The following MAPKAP1 variants were observed in gnomAD, a reference collection of about 807,000 sequenced individuals.
The protein encoded by MAPKAP1 is target of rapamycin complex 2 subunit MAPKAP1.
In MAPKAP1, 20 loss-of-function variants were observed where a neutral mutation model predicts 65.7. The observed-to-expected ratio is 0.30, with a 90% CI of 0.21 to 0.44. MAPKAP1 has a LOEUF of 0.44. Ranked by LOEUF, MAPKAP1 falls within the 20% of genes least tolerant of loss-of-function variation. The pLI is 1.00. For synonymous variants in MAPKAP1, 222 were observed against 244.3 expected (o/e 0.91, Z 0.85); for missense variants, 423 against 648.0 (o/e 0.65, Z 3.77).
chr9:125,496,020 G>A (rs1854929478), intron 8 of MAPKAP1, among the ~76,000 whole-genome samples: 2 of 152,156 alleles, frequency 1.3e-5, no homozygotes, highest in Non-Finnish European at 2.9e-5. Flanking sequence ...GGCTTTTACT[G>A]TACACAATCT....
At chr9:125,637,848 C>T (rs1833469376) in intron 4 of MAPKAP1, among the ~76,000 whole-genome samples, 1 of 152,218 alleles carries the variant, frequency 6.6e-6, no homozygotes, top group Non-Finnish European at 1.5e-5. Flanking sequence ...TCTCAGTTCA[C>T]TGCAGCCTAT....
At chr9:125,607,039 CA>C (rs1469605847) in intron 4 of MAPKAP1, among the ~76,000 whole-genome samples, 7 of 151,956 alleles carry the variant, frequency 4.6e-5, no homozygotes, top group African/African-American at 1.7e-4. Context: ...TTCCCCATGC[CA>C]AAACTGGAAT....
intron 6 of MAPKAP1, among the ~76,000 whole-genome samples, chr9:125,548,007 T>A (rs1437905437): frequency 6.6e-6 from 1 of 152,254 alleles, no homozygotes; most frequent in African/African-American, 2.4e-5. Context: ...TTAACAATTA[T>A]AACAGCAACT....
At chr9:125,617,524 T>C (rs1832781243) in intron 4 of MAPKAP1, among the ~76,000 whole-genome samples, 1 of 152,206 alleles carries the variant, frequency 6.6e-6, no homozygotes, top group Non-Finnish European at 1.5e-5. Context: ...ACATTTAAAA[T>C]ACTTATAAAC....
intron 4 of MAPKAP1, among the ~76,000 whole-genome samples, chr9:125,629,637 T>C (rs983330873): frequency 2.6e-5 from 4 of 152,206 alleles, no homozygotes; most frequent in Non-Finnish European, 2.9e-5. Flanking sequence ...AGTTGTTCAA[T>C]GGACATAAAG....
At chr9:125,658,013 G>GTTA (rs1348250150) in intron 3 of MAPKAP1, among the ~76,000 whole-genome samples, 22 of 152,158 alleles carry the variant, frequency 1.4e-4, no homozygotes, top group Non-Finnish European at 4.4e-5. Context: ...AAAGAGAAGG[G>GTTA]GTTAAGGGAG....
intron 7 of MAPKAP1, among the ~76,000 whole-genome samples, chr9:125,535,830 T>C (rs1830059265): frequency 6.6e-6 from 1 of 152,124 alleles, no homozygotes. Context: ...AGGAGAAGGC[T>C]GTCTGACTTC....
At chr9:125,552,523 A>T (rs1830613196) in intron 6 of MAPKAP1, among the ~76,000 whole-genome samples, 1 of 152,198 alleles carries the variant, frequency 6.6e-6, no homozygotes, top group South Asian at 2.1e-4. Flanking sequence ...GCAGAAACAG[A>T]TCTATTTCCC....
At position 125,535,208 on chromosome 9, in the gene MAPKAP1, T is replaced by C. The variant is rs887401906; in HGVS notation, c.958+7851A>G. 3.9e-5 allele frequency among the ~76,000 whole-genome samples: 6 copies of C among 152,324 alleles called. 1 individual carries two copies. The highest frequency in any genetic ancestry group is 1.5e-5 in the Non-Finnish European group (1 of 68,030). Reference sequence around the variant, plus strand: ...ACTACATCTCAAAACATGTTGTCTCTTCTACTTAGAATGTTCTTCTCATTT... The same window carrying C: ...ACTACATCTCAAAACATGTTGTCTCCTCTACTTAGAATGTTCTTCTCATTT... On this transcript the variant is annotated intron_variant, in intron 7 of 11. Coordinates refer to ENST00000265960, the MANE Select transcript of MAPKAP1 (RefSeq NM_001006617.3).
chr9:125,541,116 G>A (rs1035714234), intron 7 of MAPKAP1, among the ~76,000 whole-genome samples: 3 of 152,294 alleles, frequency 2.0e-5, no homozygotes, highest in South Asian at 2.1e-4. Context: ...AATAAATAAC[G>A]CAGATCACTG....
At chr9:125,564,344 T>A (rs548369442) in intron 5 of MAPKAP1, among the ~76,000 whole-genome samples, 1 of 152,224 alleles carries the variant, frequency 6.6e-6, no homozygotes, top group Non-Finnish European at 1.5e-5. Flanking sequence ...ATGGGTTAAG[T>A]TTACACATAC....
intron 7 of MAPKAP1, among the ~76,000 whole-genome samples, chr9:125,509,156 A>G (rs1044907303): frequency 1.3e-5 from 2 of 152,204 alleles, no homozygotes; most frequent in Non-Finnish European, 1.5e-5. Context: ...TATAGAAATG[A>G]TAAATACCCC....
intron 10 of MAPKAP1, among the ~76,000 whole-genome samples, chr9:125,454,021 T>C (rs1181049895): frequency 6.6e-6 from 1 of 152,242 alleles, no homozygotes; most frequent in Admixed American, 6.5e-5. Flanking sequence ...CCATAGTTTG[T>C]CAGTTGTTCT....
At chr9:125,537,052 T>C (rs967061861) in intron 7 of MAPKAP1, among the ~76,000 whole-genome samples, 3 of 152,184 alleles carry the variant, frequency 2.0e-5, no homozygotes, top group Non-Finnish European at 4.4e-5. Flanking sequence ...AACATTTCTG[T>C]TTACAGAATT....
chr9:125,652,241 CAT>C, intron 4 of MAPKAP1: 1 of 1,289,928 alleles, frequency 7.8e-7, no homozygotes, highest in Non-Finnish European at 1.0e-6. Context: ...AATTATCCGA[CAT>C]AGACTGGAAC....
At chr9:125,613,547 C>A (rs952975146) in intron 4 of MAPKAP1, among the ~76,000 whole-genome samples, 1 of 152,158 alleles carries the variant, frequency 6.6e-6, no homozygotes, top group Non-Finnish European at 1.5e-5. Flanking sequence ...GGCCTTGTTA[C>A]GACTGCATCA....
intron 1 of MAPKAP1, among the ~76,000 whole-genome samples, chr9:125,705,738 T>C (rs942834588): frequency 1.3e-5 from 2 of 152,078 alleles, no homozygotes; most frequent in Non-Finnish European, 2.9e-5. Flanking sequence ...ATTGGTTGGG[T>C]GAGGCCAACT....
rs993146503 is a variant in MAPKAP1, at chr9:125,657,760, T to G, written c.389A>C (p.Lys130Thr). ...LKSLFEKKSL[K>T]EKPPISGKQS... ...CTTCCCAGAAATTGGAGGCTTCTCTTTGAGAGATTTTTTTTCAAACAGTGA... is the reference window on the plus strand; with the variant it reads ...CTTCCCAGAAATTGGAGGCTTCTCTGTGAGAGATTTTTTTTCAAACAGTGA... The change falls in exon 4 of 12, where the codon AAA becomes ACA. Residue 130 changes from lysine (K) to threonine (T), a missense_variant. By Grantham distance (78) the Lys-to-Thr change is moderately conservative. Around this residue, in one of 6 missense-constraint regions of MAPKAP1, gnomAD observed 67 missense variants for 69.6 expected, o/e 0.96. Transcript: ENST00000265960. 4 of 1,613,844 alleles carry G rather than the reference T, an allele frequency of 2.5e-6. No homozygotes were observed. Among genetic ancestry groups the G allele is most frequent in the Non-Finnish European group, 2.5e-6 (3 of 1,179,890 alleles).
At chr9:125,652,117 C>T in intron 4 of MAPKAP1, 1 of 1,289,670 alleles carries the variant, frequency 7.8e-7, no homozygotes, top group Non-Finnish European at 1.0e-6. Flanking sequence ...ATTCGCTGAC[C>T]TTTTCTGAGT....
Sources: gnomAD v4.1 joint callset for allele counts (sites outside exome capture counted in the v4.1 genomes callset) on GRCh38, gnomAD v4.1.1 for gene constraint, gnomAD v4.1.1 regional missense constraint, MANE v1.5 for transcripts, NCBI Gene and HGNC (gene_info 2026-07-23, HGNC 2026-07-21) for gene names.